Variants in RPS6KC1 observed in about 807,000 individuals in gnomAD.
RPS6KC1 encodes inactive ribosomal protein S6 kinase delta-1.
RPS6KC1 carries 54 observed loss-of-function variants against 103.8 expected under a neutral mutation model. That is an observed-to-expected ratio of 0.52 (90% confidence interval 0.42 to 0.65). The LOEUF is 0.65. Among genes scored for constraint, RPS6KC1 ranks in the 30% least tolerant of loss-of-function variants. The probability of loss-of-function intolerance (pLI) is 0.00; values close to 1 mark genes in which losing one functional copy is unlikely to be tolerated. For synonymous variants in RPS6KC1, 439 were observed against 438.7 expected (o/e 1.00, Z -0.01); for missense variants, 1,151 against 1,253.8 (o/e 0.92, Z 1.24).
At chr1:213,642,498 A>G in the RPS6KC1 span, among the ~76,000 whole-genome samples, 2 of 152,118 alleles carry the variant, frequency 1.3e-5, no homozygotes, top group Admixed American at 1.3e-4. Flanking sequence ...ATTTCCAGGA[A>G]AGTACTAAGA....
At chr1:213,805,600 C>A in the RPS6KC1 span, among the ~76,000 whole-genome samples, 1 of 152,256 alleles carries the variant, frequency 6.6e-6, no homozygotes, top group Non-Finnish European at 1.5e-5. Context: ...ATTTCCACTA[C>A]ATCTGCAGTT....
At chr1:213,210,535 C>G (rs2093474931) in intron 8 of RPS6KC1, among the ~76,000 whole-genome samples, 1 of 152,174 alleles carries the variant, frequency 6.6e-6, no homozygotes, top group African/African-American at 2.4e-5. Flanking sequence ...TGACAGAATA[C>G]TTTGTTGCAG....
chr1:213,234,675 T>C (rs2094184234), intron 10 of RPS6KC1, among the ~76,000 whole-genome samples: 1 of 152,202 alleles, frequency 6.6e-6, no homozygotes, highest in Non-Finnish European at 1.5e-5. Context: ...AGGAGCCTTG[T>C]ACAGCAGAGT....
the RPS6KC1 span, among the ~76,000 whole-genome samples, chr1:213,448,602 C>T: frequency 1.3e-5 from 2 of 151,922 alleles, no homozygotes; most frequent in African/African-American, 2.4e-5. Flanking sequence ...CTGTGCCACC[C>T]GACATCCACG....
At chr1:213,457,372 G>C in the RPS6KC1 span, among the ~76,000 whole-genome samples, 2 of 152,242 alleles carry the variant, frequency 1.3e-5, no homozygotes, top group Non-Finnish European at 2.9e-5. Context: ...TGCTTTGACT[G>C]TTTGACTTCC....
At chr1:213,845,010 T>C in the RPS6KC1 span, among the ~76,000 whole-genome samples, 1 of 151,428 alleles carries the variant, frequency 6.6e-6, no homozygotes, top group African/African-American at 2.4e-5. Context: ...TTGTCAATCC[T>C]CCAGACAGAG....
At chr1:213,355,202 G>A in the RPS6KC1 span, among the ~76,000 whole-genome samples, 1 of 151,742 alleles carries the variant, frequency 6.6e-6, no homozygotes, top group Admixed American at 6.6e-5. Context: ...GGGAGACAGA[G>A]TGAGACTCTG....
the RPS6KC1 span, among the ~76,000 whole-genome samples, chr1:213,618,861 A>G: frequency 1.3e-5 from 2 of 152,220 alleles, no homozygotes; most frequent in African/African-American, 2.4e-5. Context: ...GTCACTTGCT[A>G]TATACCAGGT....
chr1:213,443,831 T>G, the RPS6KC1 span, among the ~76,000 whole-genome samples: 1 of 152,004 alleles, frequency 6.6e-6, no homozygotes, highest in African/African-American at 2.4e-5. Context: ...GGTGGGAGGA[T>G]CACCTGAAAG....
At chr1:213,524,358 T>C in the RPS6KC1 span, among the ~76,000 whole-genome samples, 1 of 151,844 alleles carries the variant, frequency 6.6e-6, no homozygotes, top group African/African-American at 2.4e-5. Flanking sequence ...CAAGGTCATA[T>C]GGATCTCATC....
chr1:213,571,008 A>G, the RPS6KC1 span, among the ~76,000 whole-genome samples: 1 of 152,262 alleles, frequency 6.6e-6, no homozygotes, highest in Admixed American at 6.5e-5. Context: ...CGTTAAATAA[A>G]TTAGTCTTTA....
At chr1:213,543,088 AT>A in the RPS6KC1 span, among the ~76,000 whole-genome samples, 1 of 152,242 alleles carries the variant, frequency 6.6e-6, no homozygotes, top group Admixed American at 6.5e-5. Context: ...AGAATGGCCC[AT>A]TCAGGACTGC....
At chr1:213,199,949 A>G (rs1573217479) in intron 8 of RPS6KC1, among the ~76,000 whole-genome samples, 1 of 152,204 alleles carries the variant, frequency 6.6e-6, no homozygotes, top group Non-Finnish European at 1.5e-5. Context: ...AGATCTCTAC[A>G]AGGAGAACTG....
At chr1:213,541,437 A>C in the RPS6KC1 span, among the ~76,000 whole-genome samples, 3,519 of 152,160 alleles carry the variant, frequency 0.023, 139 homozygotes, top group African/African-American at 0.08. Flanking sequence ...ACACTTGCCC[A>C]ATGCAGGGTT....
At chr1:213,228,562 A>G (rs1051430684) in intron 8 of RPS6KC1, among the ~76,000 whole-genome samples, 2 of 138,526 alleles carry the variant, frequency 1.4e-5, no homozygotes, top group African/African-American at 5.3e-5. Context: ...CCTGTCTTAC[A>G]AAAAAAAAAA....
rs533265626 is a variant in RPS6KC1 at position 213,185,944 on chromosome 1, C to T, written c.1044+9452C>T. On this transcript the variant is annotated intron_variant, in intron 8 of 14. Coordinates refer to ENST00000366960, the MANE Select transcript of RPS6KC1 (RefSeq NM_012424.6). Reference sequence around the variant, plus strand: ...AATATCTTACAAATATAACAAGAGACAGTTCATCTTAGGTCACAAATAATA... The same window carrying T: ...AATATCTTACAAATATAACAAGAGATAGTTCATCTTAGGTCACAAATAATA... 3.3e-5 allele frequency among the ~76,000 whole-genome samples: 5 copies of T among 150,586 alleles called. No homozygotes were observed. The South Asian group carries it at 1.0e-3, about 31-fold the overall frequency.
At chr1:213,787,924 A>T in the RPS6KC1 span, among the ~76,000 whole-genome samples, 1 of 152,220 alleles carries the variant, frequency 6.6e-6, no homozygotes, top group South Asian at 2.1e-4. Context: ...ATAATGAGGG[A>T]GTGGAGGCCA....
intron 8 of RPS6KC1, among the ~76,000 whole-genome samples, chr1:213,217,361 G>C (rs1197870915): frequency 6.6e-6 from 1 of 152,164 alleles, no homozygotes; most frequent in Non-Finnish European, 1.5e-5. Context: ...AACAGGCTCT[G>C]AAATTGAGGC....
chr1:213,827,742 G>A, the RPS6KC1 span, among the ~76,000 whole-genome samples: 4 of 152,126 alleles, frequency 2.6e-5, no homozygotes, highest in African/African-American at 4.8e-5. Flanking sequence ...TCAGGGATGA[G>A]CCAGCTACAG....
Sources: gnomAD v4.1 joint callset for allele counts (sites outside exome capture counted in the v4.1 genomes callset) on GRCh38, gnomAD v4.1.1 for gene constraint, MANE v1.5 for transcripts, NCBI Gene and HGNC (gene_info 2026-07-23, HGNC 2026-07-21) for gene names.